The following ZNF787 variants were observed in gnomAD, a reference collection of about 807,000 sequenced individuals.
ZNF787 encodes the protein TTF-I-interacting peptide 20.
A neutral mutation model predicts 16.9 loss-of-function variants in ZNF787; 7 were observed. The ratio of observed to expected loss-of-function variants is 0.42; its 90% CI spans 0.24 to 0.78. The LOEUF is 0.78. Ranked by LOEUF, ZNF787 falls within the 30% of genes least tolerant of loss-of-function variation. ZNF787 has a pLI of 0.30. For missense variants in ZNF787, 551 were observed against 589.3 expected (o/e 0.94, Z 0.67); for synonymous variants, 345 against 270.9 (o/e 1.27, Z -2.69).
rs1344691486 is a variant in ZNF787, at chr19:56,087,618, C to G, written c.*405G>C. On this transcript the variant is annotated 3_prime_UTR_variant, in exon 3 of 3. Coordinates refer to ENST00000610935, the MANE Select transcript of ZNF787 (RefSeq NM_001002836.4). ...AGAAAAGGGCCCCTGGTTCTCTTCCCTCTCTGGGATCCTCTAAAGGGCCTG... is the reference window on the plus strand; with the variant it reads ...AGAAAAGGGCCCCTGGTTCTCTTCCGTCTCTGGGATCCTCTAAAGGGCCTG... The G allele has an allele frequency of 1.8e-5, 3 of 164,358 alleles. No individual in the cohort carries two copies. The highest frequency in any genetic ancestry group is 7.2e-5 in the African/African-American group (3 of 41,900). 10.2% of individuals were successfully genotyped at this position (164,358 alleles called of 1,614,324 possible). A position where few individuals can be genotyped will look rare whatever the true frequency, so the allele number is the denominator to read the frequency against.
intron 2 of ZNF787, among the ~76,000 whole-genome samples, chr19:56,097,087 T>C (rs935120272): frequency 6.6e-6 from 1 of 152,190 alleles, no homozygotes; most frequent in Non-Finnish European, 1.5e-5. Flanking sequence ...TGCAGGAGGC[T>C]GCATGCCACC....
rs1031685952 is a variant in ZNF787 at position 56,088,803 on chromosome 19, G to A, written c.369C>T (p.Ala123=). 1 of 1,612,048 alleles carries A rather than the reference G, an allele frequency of 6.2e-7. No individual in the cohort carries two copies. Among genetic ancestry groups the A allele is most frequent in the African/African-American group, 1.3e-5 (1 of 74,832 alleles). The change falls in exon 3 of 3, where the codon GCC becomes GCT. Residue 123 remains alanine, a synonymous_variant. Transcript: ENST00000610935. The surrounding 1 kb of genome is among the most constrained non-coding windows in gnomAD (Gnocchi z 8.6). ...TGAAGCGCTTGCCGCACTCCAAGCAGGCGTAGGGCTTCTCGCCCGTGTGGA... is the reference window on the plus strand; with the variant it reads ...TGAAGCGCTTGCCGCACTCCAAGCAAGCGTAGGGCTTCTCGCCCGTGTGGA... ...RRIHTGEKPY[A]CLECGKRFSW...
At chr19:56,104,956 C>T (rs965654977) in intron 1 of ZNF787, among the ~76,000 whole-genome samples, 2 of 152,118 alleles carry the variant, frequency 1.3e-5, no homozygotes, top group African/African-American at 4.8e-5. Flanking sequence ...TGGCGAAACC[C>T]CATCTCTACC....
At chr19:56,112,402 G>A (rs746894045) in intron 1 of ZNF787, among the ~76,000 whole-genome samples, 91 of 152,144 alleles carry the variant, frequency 6.0e-4, no homozygotes, top group South Asian at 2.1e-4. Flanking sequence ...GAAGCACCTG[G>A]AGCACGGGCA....
At chr19:56,116,237 C>T (rs1260601483) in intron 1 of ZNF787, among the ~76,000 whole-genome samples, 2 of 151,938 alleles carry the variant, frequency 1.3e-5, no homozygotes, top group African/African-American at 2.4e-5. Context: ...GTCAGGAGAT[C>T]GAGACCATCC....
At chr19:56,100,771 C>T (rs570095948) in intron 2 of ZNF787, among the ~76,000 whole-genome samples, 290 of 97,436 alleles carry the variant, frequency 3.0e-3, no homozygotes, top group Middle Eastern at 9.8e-3. Context: ...CACTGTCACA[C>T]AGGAGGAATG....
At chr19:56,089,835 G>A (rs542755960) in intron 2 of ZNF787, among the ~76,000 whole-genome samples, 17 of 152,278 alleles carry the variant, frequency 1.1e-4, no homozygotes, top group African/African-American at 3.4e-4. Context: ...AGCAGTCAAC[G>A]AGGCCTTTCA....
At chr19:56,105,881 CCCCCGGCCGCGCCCACGGCAGTCACCG>C (rs1986283615) in intron 1 of ZNF787, among the ~76,000 whole-genome samples, 2 of 151,932 alleles carry the variant, frequency 1.3e-5, no homozygotes, top group African/African-American at 2.4e-5. Flanking sequence ...ACCGCGCATT[CCCCCGGCCGCGCCCACGGCAGTCACCG>C]CGCATTCCGC....
At position 56,088,095 on chromosome 19, in the gene ZNF787, C is replaced by T; in HGVS notation, c.1077G>A (p.Gly359=). Residue 359 remains glycine, a synonymous_variant, in exon 3 of 3, where the codon GGG becomes GGA. Transcript: ENST00000610935. The surrounding 1 kb of genome is among the most constrained non-coding windows in gnomAD (Gnocchi z 8.6). ...SCGQSYYRAG[G]EEEDDDDEAA... ...CCTCGTCGTCGTCGTCCTCCTCCTC[C>T]CCGCCCGCGCGGTAGTAGCTCTGTC... The T allele has an allele frequency of 6.6e-7, 1 of 1,518,542 alleles. No individual in the cohort carries two copies. The highest frequency in any genetic ancestry group is 8.8e-7 in the Non-Finnish European group (1 of 1,140,876). 94.1% of individuals were successfully genotyped at this position (1,518,542 alleles called of 1,614,324 possible).
At chr19:56,107,611 T>A (rs1049723978) in intron 1 of ZNF787, among the ~76,000 whole-genome samples, 1 of 140,868 alleles carries the variant, frequency 7.1e-6, no homozygotes, top group Non-Finnish European at 1.5e-5. Flanking sequence ...AGGGCCGAGG[T>A]CCTGCCCCCA....
chr19:56,103,156 G>A lies in ZNF787; in HGVS notation c.62C>T (p.Ala21Val), dbSNP rs769096237. The change falls in exon 2 of 3, where the codon GCC becomes GTC. Residue 21 changes from alanine to valine, a missense_variant. Around this residue, in one of 4 missense-constraint regions of ZNF787, gnomAD observed 80 missense variants for 105.9 expected, o/e 0.76. Coordinates refer to ENST00000610935, the MANE Select transcript of ZNF787 (RefSeq NM_001002836.4). ...CTGCTCACCTGGGTTCTCGTGACTG[G>A]CCATCTGCTGGTCCTCAGAATCCAG... ...GPLDSEDQQM[A>V]SHENPVDILI... The A allele has an allele frequency of 1.9e-6, 3 of 1,603,084 alleles. No individual in the cohort carries two copies. The highest frequency in any genetic ancestry group is 2.2e-5 in the East Asian group (1 of 44,702).
At chr19:56,091,909 G>A (rs1985591593) in intron 2 of ZNF787, among the ~76,000 whole-genome samples, 1 of 44,036 alleles carries the variant, frequency 2.3e-5, no homozygotes, top group Non-Finnish European at 5.6e-5. Flanking sequence ...CGCAGCCGCA[G>A]CCGCAGCCGC....
At chr19:56,103,327 C>T in intron 1 of ZNF787, 100 bp from the exon 2 acceptor site, 1 of 1,055,982 alleles carries the variant, frequency 9.5e-7, no homozygotes, top group Non-Finnish European at 1.3e-6. Flanking sequence ...GCGTGACAGG[C>T]ACAGCGCCCG....
At chr19:56,113,904 A>C (rs921466573) in intron 1 of ZNF787, among the ~76,000 whole-genome samples, 3 of 152,136 alleles carry the variant, frequency 2.0e-5, no homozygotes, top group Admixed American at 1.3e-4. Flanking sequence ...ATCTCGGCTC[A>C]CTGCAACCTT....
chr19:56,090,820 T>TCAAAA (rs1350451072), intron 2 of ZNF787, among the ~76,000 whole-genome samples: 6 of 152,096 alleles, frequency 3.9e-5, no homozygotes, highest in Non-Finnish European at 2.9e-5. Context: ...AGACTCCATC[T>TCAAAA]CAAAACAAAA....
intron 1 of ZNF787, among the ~76,000 whole-genome samples, chr19:56,120,939 G>GGCCGCCCGGGC (rs1486091378): frequency 1.5e-5 from 2 of 135,256 alleles, no homozygotes; most frequent in East Asian, 2.3e-4. Context: ...GCCGCCCGCG[G>GGCCGCCCGGGC]GCCGCCCGGG....
Position 56,118,748 on chromosome 19 carries a change from C to G in ZNF787, c.-11+2424G>C, listed in dbSNP as rs182566623. On this transcript the variant is annotated intron_variant, in intron 1 of 2. Transcript: ENST00000610935. ...CTAGGCTGGAGGCCTCAGGATGCAC[C>G]AGAGGACACACGAACGAGGTTTGGA... 1.8e-4 allele frequency among the ~76,000 whole-genome samples: 28 copies of G among 152,262 alleles called. No homozygotes were observed. The East Asian group carries it at 2.7e-3, about 15-fold the overall frequency.
At chr19:56,092,050 C>A (rs1176336978) in intron 2 of ZNF787, among the ~76,000 whole-genome samples, 91 of 137,790 alleles carry the variant, frequency 6.6e-4, no homozygotes, top group African/African-American at 2.7e-3. Flanking sequence ...GCCGAAGCCT[C>A]ACCCTCACCC....
Position 56,110,370 on chromosome 19 carries a change from AAAAAG to A in ZNF787, c.-10-7148_-10-7144del, listed in dbSNP as rs576044639. 2.3e-3 allele frequency among the ~76,000 whole-genome samples: 343 copies of A among 152,208 alleles called. 1 individual carries two copies. Among genetic ancestry groups the A allele is most frequent in the African/African-American group, 7.0e-3 (289 of 41,542 alleles). Reference sequence around the variant, plus strand: ...GAGCGAGACTCCGTCTCAAAAAAAAAAAAAGAAAGAAAAAGAAAAACGAAATGTTG... The same window carrying A: ...GAGCGAGACTCCGTCTCAAAAAAAAAAAAGAAAAAGAAAAACGAAATGTTG... On this transcript the variant is annotated intron_variant, in intron 1 of 2. Transcript: ENST00000610935.
Sources: gnomAD v4.1 joint callset for allele counts (sites outside exome capture counted in the v4.1 genomes callset) on GRCh38, gnomAD v4.1.1 for gene constraint, gnomAD v4.1.1 regional missense constraint, Gnocchi (gnomAD v3.1) non-coding constraint, MANE v1.5 for transcripts, NCBI Gene and HGNC (gene_info 2026-07-23, HGNC 2026-07-21) for gene names.